The following USP24 variants were observed in gnomAD, a reference collection of about 807,000 sequenced individuals.
USP24 encodes ubiquitin carboxyl-terminal hydrolase 24.
USP24 carries 97 observed loss-of-function variants against 361.6 expected under a neutral mutation model. The ratio of observed to expected loss-of-function variants is 0.27; its 90% confidence interval spans 0.23 to 0.32. The LOEUF (loss-of-function observed/expected upper bound fraction) is 0.32, where lower values mean the gene tolerates loss of function less well. Among genes scored for constraint, USP24 ranks in the 10% least tolerant of loss-of-function variants. The pLI is 1.00. For missense variants in USP24, 2,353 were observed against 3,165.6 expected, an observed-to-expected ratio of 0.74 and a Z score of 6.16; for synonymous variants, 1,098 against 1,124.6, an observed-to-expected ratio of 0.98 and a Z score of 0.47.
At chr1:55,154,091 A>T in intron 15 of USP24, 28 bp downstream of exon 15, 2 of 1,612,768 alleles carry the variant, frequency 1.2e-6, no homozygotes, top group Non-Finnish European at 1.7e-6. Context: ...TGCTCTAACA[A>T]CAAAATCAGA....
In USP24 at chr1:55,092,069, T is replaced by C. The variant is rs1327941235; in HGVS notation, c.6508A>G (p.Ile2170Val). 2 of 1,612,688 alleles carry C rather than the reference T, an allele frequency of 1.2e-6. No homozygotes were observed. Among genetic ancestry groups the C allele is most frequent in the Non-Finnish European group, 1.7e-6 (2 of 1,179,340 alleles). Residue 2170 changes from isoleucine (I) to valine (V), a missense_variant, in exon 54 of 68, where the codon ATT (isoleucine) becomes GTT (valine). Physicochemically the swap from Ile to Val is conservative, Grantham distance 29 (BLOSUM62 3). Around this residue, in one of 8 missense-constraint regions of USP24, gnomAD observed 598 missense variants for 761.9 expected, o/e 0.78. Coordinates refer to ENST00000294383, the MANE Select transcript of USP24 (RefSeq NM_015306.3). The stretch of plus-strand genomic sequence containing the variant: ...AGATAAGTTTGAAAAAGGAATTGAA[T>C]AGCAAGCTGTAAGCTCACCTTTGCC... ...CMAKVSLQLA[I>V]QFLFQTYLRT...
chr1:55,138,828 G>T, intron 25 of USP24, 110 bp from the exon 26 acceptor site: 1 of 1,311,442 alleles, frequency 7.6e-7, no homozygotes, highest in Non-Finnish European at 1.1e-6. Flanking sequence ...AGAAAAGAGA[G>T]GCTAACTGGG....
chr1:55,071,412 C>T, intron 67 of USP24: 2 of 1,002,520 alleles, frequency 2.0e-6, no homozygotes, highest in Non-Finnish European at 1.2e-6. Flanking sequence ...AGGTATACTT[C>T]AAGAGCACGG....
intron 47 of USP24, 23 bp downstream of exon 47, chr1:55,097,920 T>C (rs778177796): frequency 6.3e-7 from 1 of 1,575,178 alleles, no homozygotes; most frequent in South Asian, 1.2e-5. Context: ...AATCTTGTTT[T>C]TTAAAAAGGG....
intron 1 of USP24, among the ~76,000 whole-genome samples, chr1:55,194,581 G>A (rs1039163261): frequency 3.3e-5 from 5 of 151,870 alleles, no homozygotes; most frequent in South Asian, 2.1e-4. Context: ...CAGGCTGGGC[G>A]ACAGAGGGAG....
chr1:55,073,165 T>TTTA (rs1007038978), intron 64 of USP24, among the ~76,000 whole-genome samples: 33 of 152,276 alleles, frequency 2.2e-4, no homozygotes, highest in African/African-American at 7.5e-4. Context: ...GTGAATGTAC[T>TTTA]TAAAGTCACT....
intron 32 of USP24, among the ~76,000 whole-genome samples, chr1:55,127,089 T>C (rs1048420521): frequency 1.3e-5 from 2 of 152,142 alleles, no homozygotes; most frequent in Non-Finnish European, 1.5e-5. Flanking sequence ...TATTATACTT[T>C]AAGTTTTAGG....
Position 55,077,320 on chromosome 1 carries a change from C to T in USP24, c.7315-20G>A, listed in dbSNP as rs1011663380. The T allele has an allele frequency of 6.5e-7, 1 of 1,538,604 alleles. No homozygotes were observed. The highest frequency in any genetic ancestry group is 2.4e-5 in the East Asian group (1 of 41,252). On this transcript the variant is annotated intron_variant, in intron 61 of 67. Transcript: ENST00000294383. ...TTGGTTCTGAAATATTTTTTAAAAG[C>T]ATAAAAACTTCAGTGGAAAGCATAT...
chr1:55,214,901 C>G lies in USP24; in HGVS notation c.213G>C (p.Arg71=). 7.8e-7 allele frequency: 1 copy of G among 1,274,506 alleles called. No homozygotes were observed. Among genetic ancestry groups the G allele is most frequent in the South Asian group, 2.5e-5 (1 of 39,698 alleles). The allele number at this position is 1,274,506 out of a possible 1,614,324, so 78.9% of individuals were successfully genotyped here. ...CGCCGCCGTCACCTCCGCCGTCGCCCCGCGGGCCCCCGCCGGGCCCGGGGC... is the reference window on the plus strand; with the variant it reads ...CGCCGCCGTCACCTCCGCCGTCGCCGCGCGGGCCCCCGCCGGGCCCGGGGC... ...GPSPGPGGGP[R]GDGGGDGGGG... The change falls in exon 1 of 68, where the codon CGG becomes CGC. Residue 71 remains arginine, a synonymous_variant. Transcript: ENST00000294383.
Position 55,158,956 on chromosome 1 carries a change from C to A in USP24, c.1149G>T (p.Val383=). The change falls in exon 10 of 68, where the codon GTG becomes GTT. Residue 383 remains valine, a synonymous_variant. Transcript: ENST00000294383. ...MRFQPDLVTI[V]DDLRLDILLR... is the part of the protein sequence containing the mutation. Reference sequence around the variant, plus strand: ...ATAGAATATCTAGTCGAAGGTCATCCACAATTGTCACCAGATCCGGTTGGA... The same window carrying A: ...ATAGAATATCTAGTCGAAGGTCATCAACAATTGTCACCAGATCCGGTTGGA... 6.3e-7 allele frequency: 1 copy of A among 1,598,746 alleles called. No homozygotes were observed. Among genetic ancestry groups the A allele is most frequent in the Non-Finnish European group, 8.5e-7 (1 of 1,171,240 alleles).
intron 16 of USP24, among the ~76,000 whole-genome samples, chr1:55,152,434 C>T (rs1459280959): frequency 6.6e-6 from 1 of 152,138 alleles, no homozygotes; most frequent in Non-Finnish European, 1.5e-5. Context: ...GTTTCAAACG[C>T]CACTTCCCTG....
At chr1:55,104,290 G>A (rs1403608783) in intron 41 of USP24, among the ~76,000 whole-genome samples, 15 of 152,074 alleles carry the variant, frequency 9.9e-5, no homozygotes, top group Admixed American at 9.8e-4. Flanking sequence ...AAGAATGGAG[G>A]AGAAAGAGTA....
In USP24 at chr1:55,178,001, T is replaced by C. The variant is rs139709300; in HGVS notation, c.456A>G (p.Lys152=). 892 of 1,551,680 alleles carry C rather than the reference T, an allele frequency of 5.7e-4. 6 individuals carry two copies. The African/African-American group carries it at 0.01, about 18-fold the overall frequency. Residue 152 remains lysine (K), a synonymous_variant, in exon 2 of 68, where the codon AAA becomes AAG. Transcript: ENST00000294383. ...IPYKREESLG[K]CLLASTYLAR... is the part of the protein sequence containing the mutation. Reference sequence around the variant, plus strand: ...CTAGGTAGGTAGATGCCAACAGGCATTTGCCTAGTGATTCTTCTCGCTTGT... The same window carrying C: ...CTAGGTAGGTAGATGCCAACAGGCACTTGCCTAGTGATTCTTCTCGCTTGT...
rs1043841727 is a variant in USP24, at chr1:55,146,959, A to G, written c.2220T>C (p.Thr740=). 4.3e-6 allele frequency: 7 copies of G among 1,612,304 alleles called. No homozygotes were observed. Among genetic ancestry groups the G allele is most frequent in the Non-Finnish European group, 5.9e-6 (7 of 1,179,028 alleles). ...RAKEIWECLV[T]GQDVCELDRE... is the part of the protein sequence containing the mutation. ...TATCTAATTCACAAACATCCTGGCCAGTTACAAGACACTCCCAGATCTCCT... is the reference window on the plus strand; with the variant it reads ...TATCTAATTCACAAACATCCTGGCCGGTTACAAGACACTCCCAGATCTCCT... The change falls in exon 19 of 68, where the codon ACT becomes ACC. Residue 740 remains threonine (T), a synonymous_variant. Coordinates refer to ENST00000294383, the MANE Select transcript of USP24 (RefSeq NM_015306.3).
intron 5 of USP24, among the ~76,000 whole-genome samples, chr1:55,170,230 T>C (rs1414404871): frequency 1.3e-5 from 2 of 149,716 alleles, no homozygotes; most frequent in African/African-American, 4.9e-5. Flanking sequence ...GAAGGAGGAA[T>C]ATGCTTGAGA....
At chr1:55,086,964 T>TGAA (rs1645264519) in intron 55 of USP24, among the ~76,000 whole-genome samples, 1 of 152,234 alleles carries the variant, frequency 6.6e-6, no homozygotes, top group Non-Finnish European at 1.5e-5. Context: ...GTTAGTAGTC[T>TGAA]GAATTCTTTA....
intron 1 of USP24, among the ~76,000 whole-genome samples, chr1:55,206,408 G>C (rs1419188273): frequency 6.6e-6 from 1 of 152,144 alleles, no homozygotes; most frequent in Non-Finnish European, 1.5e-5. Flanking sequence ...GTGTTAGACA[G>C]GCAGAAGAGA....
At chr1:55,182,075 C>G (rs566063395) in intron 1 of USP24, among the ~76,000 whole-genome samples, 2 of 152,058 alleles carry the variant, frequency 1.3e-5, no homozygotes, top group Non-Finnish European at 2.9e-5. Context: ...TTTTTTGAGA[C>G]GGAGTCTCGC....
chr1:55,147,700 A>C lies in USP24; in HGVS notation c.2067T>G (p.Pro689=). ...CTAGTGTCGAGCCACTTAAGCCTCC[A>C]GGCCCGGCCACAGCAGCTGCAAGCC... The part of the protein sequence containing the change: ...CHRLAAAVAG[P]GGLSGSTLVD... Residue 689 remains proline (P), a synonymous_variant, in exon 18 of 68, where the codon CCT becomes CCG. Transcript: ENST00000294383. 1.2e-6 allele frequency: 2 copies of C among 1,611,352 alleles called. No individual in the cohort carries two copies. The highest frequency in any genetic ancestry group is 2.2e-5 in the East Asian group (1 of 44,610).
Sources: allele counts gnomAD v4.1 joint callset (sites outside exome capture counted in the v4.1 genomes callset), GRCh38; gene constraint gnomAD v4.1.1; regional missense constraint gnomAD v4.1.1; transcripts MANE v1.5; gene names NCBI Gene and HGNC (gene_info 2026-07-23, HGNC 2026-07-21).